The following TTC29 variants were observed in gnomAD, a reference collection of about 807,000 sequenced individuals.
TTC29 encodes tetratricopeptide repeat protein 29.
TTC29 carries 49 observed loss-of-function variants against 58.1 expected under a neutral mutation model. The observed-to-expected ratio is 0.84, with a 90% CI of 0.67 to 1.07. The LOEUF (loss-of-function observed/expected upper bound fraction) is 1.07, where lower values mean the gene tolerates loss of function less well. Among genes scored for constraint, TTC29 ranks in the 50% least tolerant of loss-of-function variants. The pLI is 0.00. For synonymous variants in TTC29, 209 were observed against 196.8 expected (o/e 1.06, Z -0.52); for missense variants, 582 against 555.6 (o/e 1.05, Z -0.48).
At chr4:146,892,880 T>C (rs1382805168) in intron 6 of TTC29, among the ~76,000 whole-genome samples, 4 of 152,270 alleles carry the variant, frequency 2.6e-5, no homozygotes, top group East Asian at 3.9e-4. Context: ...AGCATTCTTG[T>C]ACACCAATAA....
At chr4:146,715,402 T>A (rs2149997238) in intron 11 of TTC29, among the ~76,000 whole-genome samples, 1 of 152,308 alleles carries the variant, frequency 6.6e-6, no homozygotes, top group South Asian at 2.1e-4. Context: ...AAATGTAGTG[T>A]ATATACCCAA....
chr4:146,862,995 G>A (rs962226296), intron 8 of TTC29, among the ~76,000 whole-genome samples: 9 of 151,930 alleles, frequency 5.9e-5, no homozygotes, highest in Admixed American at 3.3e-4. Context: ...GGTGGCATGC[G>A]CCTGTAGTCC....
At chr4:146,822,217 T>C (rs1300754277) in intron 9 of TTC29, among the ~76,000 whole-genome samples, 1 of 149,744 alleles carries the variant, frequency 6.7e-6, no homozygotes, top group Non-Finnish European at 1.5e-5. Flanking sequence ...TGATCCATCC[T>C]CTAAGTTCCC....
intron 11 of TTC29, among the ~76,000 whole-genome samples, chr4:146,739,745 T>C (rs1744987090): frequency 1.3e-5 from 2 of 152,208 alleles, no homozygotes; most frequent in Non-Finnish European, 2.9e-5. Flanking sequence ...TCTCCACTTT[T>C]GACCAATAAA....
chr4:146,757,859 C>T (rs936577533), intron 11 of TTC29, among the ~76,000 whole-genome samples: 2 of 151,990 alleles, frequency 1.3e-5, no homozygotes, highest in African/African-American at 4.8e-5. Flanking sequence ...AATAAAACCT[C>T]TTTAAAGCAT....
chr4:146,925,643 A>C (rs1347246280), intron 4 of TTC29, among the ~76,000 whole-genome samples: 1 of 152,118 alleles, frequency 6.6e-6, no homozygotes, highest in Non-Finnish European at 1.5e-5. Flanking sequence ...AGCCAAACTA[A>C]CTTTTGAGAA....
chr4:146,751,163 T>C (rs561629135), intron 11 of TTC29, among the ~76,000 whole-genome samples: 1 of 152,286 alleles, frequency 6.6e-6, no homozygotes, highest in South Asian at 2.1e-4. Flanking sequence ...CAAGAGGACA[T>C]AATCATTGTA....
intron 11 of TTC29, among the ~76,000 whole-genome samples, chr4:146,724,389 TA>T (rs1186713246): frequency 6.6e-6 from 1 of 152,082 alleles, no homozygotes; most frequent in African/African-American, 2.4e-5. Context: ...GTTGAAATTA[TA>T]AAAAAAGATA....
intron 6 of TTC29, among the ~76,000 whole-genome samples, chr4:146,893,359 C>T (rs550442565): frequency 1.3e-5 from 2 of 152,154 alleles, no homozygotes; most frequent in South Asian, 4.2e-4. Flanking sequence ...CAGAACAGAG[C>T]CCTCAAAAAT....
Position 146,707,139 on chromosome 4 carries a change from T to A in TTC29, c.*19A>T. The A allele has an allele frequency of 6.6e-7, 1 of 1,519,968 alleles. No homozygotes were observed. The highest frequency in any genetic ancestry group is 2.5e-5 in the East Asian group (1 of 40,628). The allele number at this position is 1,519,968 out of a possible 1,614,324, so 94.2% of individuals were successfully genotyped here. On this transcript the variant is annotated 3_prime_UTR_variant, in exon 13 of 13. Coordinates refer to ENST00000325106, the MANE Select transcript of TTC29 (RefSeq NM_031956.4). Reference sequence around the variant, plus strand: ...CATGATGGATTTCTTCTTGCTTTGATGTTAAGTGAAAAGCTGCTTTAAGTT... The same window carrying A: ...CATGATGGATTTCTTCTTGCTTTGAAGTTAAGTGAAAAGCTGCTTTAAGTT...
At chr4:146,869,866 CAG>C (rs1477912562) in intron 7 of TTC29, among the ~76,000 whole-genome samples, 1 of 151,994 alleles carries the variant, frequency 6.6e-6, no homozygotes, top group African/African-American at 2.4e-5. Flanking sequence ...AATAACATAA[CAG>C]AGAAAAATGT....
intron 11 of TTC29, among the ~76,000 whole-genome samples, chr4:146,763,473 AG>A (rs1747060624): frequency 6.6e-6 from 1 of 152,058 alleles, no homozygotes; most frequent in African/African-American, 2.4e-5. Flanking sequence ...AGTGTAGGGT[AG>A]GGTAGAATGT....
At chr4:146,753,110 A>G (rs1746147063) in intron 11 of TTC29, among the ~76,000 whole-genome samples, 1 of 152,250 alleles carries the variant, frequency 6.6e-6, no homozygotes, top group South Asian at 2.1e-4. Flanking sequence ...CAGAGTGAAC[A>G]GGCAACCTAC....
intron 10 of TTC29, among the ~76,000 whole-genome samples, chr4:146,807,963 T>C (rs1267661147): frequency 6.6e-6 from 1 of 152,154 alleles, no homozygotes; most frequent in Admixed American, 6.5e-5. Context: ...CCAATATCCC[T>C]GATGAACATT....
At chr4:146,893,367 A>G (rs1379856950) in intron 6 of TTC29, among the ~76,000 whole-genome samples, 1 of 152,200 alleles carries the variant, frequency 6.6e-6, no homozygotes, top group African/African-American at 2.4e-5. Flanking sequence ...AGCCCTCAAA[A>G]ATAATGCCAT....
At chr4:146,766,019 G>A (rs890360659) in intron 11 of TTC29, among the ~76,000 whole-genome samples, 2 of 152,046 alleles carry the variant, frequency 1.3e-5, no homozygotes, top group South Asian at 2.1e-4. Context: ...CTTCAGAAAT[G>A]AAGTAAATCT....
At chr4:146,775,261 T>C (rs2150078831) in intron 11 of TTC29, among the ~76,000 whole-genome samples, 1 of 152,280 alleles carries the variant, frequency 6.6e-6, no homozygotes, top group Admixed American at 6.5e-5. Context: ...AGATTAACAT[T>C]GATATGTGTG....
intron 6 of TTC29, among the ~76,000 whole-genome samples, chr4:146,886,704 T>C (rs1460147669): frequency 6.6e-6 from 1 of 152,094 alleles, no homozygotes; most frequent in Non-Finnish European, 1.5e-5. Context: ...ATACTTTTAA[T>C]AAAATAAGAC....
chr4:146,738,808 C>T (rs1009133640), intron 11 of TTC29, among the ~76,000 whole-genome samples: 5 of 152,140 alleles, frequency 3.3e-5, no homozygotes, highest in African/African-American at 1.2e-4. Context: ...GGAACGCTGA[C>T]GTCATGAAGC....
Sources: gnomAD v4.1 joint callset for allele counts (sites outside exome capture counted in the v4.1 genomes callset) on GRCh38, gnomAD v4.1.1 for gene constraint, MANE v1.5 for transcripts, NCBI Gene and HGNC (gene_info 2026-07-23, HGNC 2026-07-21) for gene names.